NDUFA5: variants seen among roughly 807,000 people sequenced by gnomAD.
NDUFA5 encodes NADH dehydrogenase [ubiquinone] 1 alpha subcomplex subunit 5.
NDUFA5 carries 11 observed loss-of-function variants against 19.8 expected under a neutral mutation model. The observed-to-expected ratio is 0.56, with a 90% CI of 0.35 to 0.92. The LOEUF (loss-of-function observed/expected upper bound fraction) is 0.92. Ranked by LOEUF, NDUFA5 falls within the 40% of genes least tolerant of loss-of-function variation. The probability of loss-of-function intolerance (pLI) is 0.01; values close to 1 mark genes in which losing one functional copy is unlikely to be tolerated. For missense variants in NDUFA5, 109 were observed against 134.2 expected, an observed-to-expected ratio of 0.81 and a Z score of 0.93; for synonymous variants, 47 against 46.8, an observed-to-expected ratio of 1.00 and a Z score of -0.01.
upstream of NDUFA5, among the ~76,000 whole-genome samples, chr7:123,560,417 C>T (rs1359796990): frequency 6.6e-6 from 1 of 152,158 alleles, no homozygotes; most frequent in Non-Finnish European, 1.5e-5. Context: ...GTTGCATAAT[C>T]TTTTATATAG....
At chr7:123,590,841 C>T in the NDUFA5 span, among the ~76,000 whole-genome samples, 2 of 152,130 alleles carry the variant, frequency 1.3e-5, no homozygotes, top group Non-Finnish European at 2.9e-5. Flanking sequence ...TGAACAAAGG[C>T]AGTGGTAGCT....
chr7:123,596,536 T>C, the NDUFA5 span: 1 of 152,046 alleles, frequency 6.6e-6, no homozygotes, highest in African/African-American at 2.4e-5. Context: ...TACTTGAGCC[T>C]GGGAGGCGGA....
chr7:123,563,728 C>T, the NDUFA5 span, among the ~76,000 whole-genome samples: 1 of 152,106 alleles, frequency 6.6e-6, no homozygotes, highest in Admixed American at 6.6e-5. Context: ...TAAAGTGTGC[C>T]TTTTATACAT....
intron 3 of NDUFA5, chr7:123,546,897 T>C (rs1473547452): frequency 1.9e-5 from 8 of 417,170 alleles, no homozygotes; most frequent in Non-Finnish European, 4.7e-6. Context: ...AGACTTCACA[T>C]ATATGATCAA....
chr7:123,554,339 T>C (rs1798459566), intron 2 of NDUFA5, among the ~76,000 whole-genome samples: 1 of 152,202 alleles, frequency 6.6e-6, no homozygotes, highest in Admixed American at 6.5e-5. Flanking sequence ...ATGGCTTACA[T>C]TTAAGGCTCG....
chr7:123,578,164 A>T, the NDUFA5 span, among the ~76,000 whole-genome samples: 31,507 of 149,518 alleles, frequency 0.21, 3,542 homozygotes, highest in East Asian at 0.39. Context: ...ATAAATTTCA[A>T]ATTATAAAAG....
chr7:123,557,850 G>C (rs1798624833), upstream of NDUFA5: 1 of 1,613,196 alleles, frequency 6.2e-7, no homozygotes, highest in South Asian at 1.1e-5. Context: ...TCTCAGACCT[G>C]CTCAATCGAC....
chr7:123,599,466 C>T, the NDUFA5 span, among the ~76,000 whole-genome samples: 1 of 152,124 alleles, frequency 6.6e-6, no homozygotes, highest in African/African-American at 2.4e-5. Context: ...ATAGCAAGAG[C>T]TGTTTTTTAA....
chr7:123,560,646 C>T (rs1224508571), upstream of NDUFA5, among the ~76,000 whole-genome samples: 1 of 152,128 alleles, frequency 6.6e-6, no homozygotes, highest in Non-Finnish European at 1.5e-5. Context: ...TTTCTTTTGG[C>T]TTATACTGGT....
the NDUFA5 span, among the ~76,000 whole-genome samples, chr7:123,569,665 CAAG>C: frequency 6.6e-6 from 1 of 152,064 alleles, no homozygotes; most frequent in East Asian, 1.9e-4. Flanking sequence ...TCCAGCTGAA[CAAG>C]AAGATGAACC....
At chr7:123,575,763 G>C in the NDUFA5 span, among the ~76,000 whole-genome samples, 7 of 144,784 alleles carry the variant, frequency 4.8e-5, no homozygotes, top group Non-Finnish European at 9.1e-5. Flanking sequence ...TTGTTAGATT[G>C]TTTTTCCCTT....
chr7:123,601,490 A>G, the NDUFA5 span, among the ~76,000 whole-genome samples: 7 of 152,204 alleles, frequency 4.6e-5, no homozygotes, highest in Admixed American at 6.5e-5. Flanking sequence ...AAAATATGTC[A>G]AAAGTGGATT....
the NDUFA5 span, among the ~76,000 whole-genome samples, chr7:123,577,776 A>C: frequency 6.6e-6 from 1 of 152,114 alleles, no homozygotes; most frequent in East Asian, 1.9e-4. Flanking sequence ...ATGTTTCTTC[A>C]TCTTATCCCC....
At chr7:123,563,424 G>A in the NDUFA5 span, among the ~76,000 whole-genome samples, 7 of 152,178 alleles carry the variant, frequency 4.6e-5, no homozygotes, top group Non-Finnish European at 1.0e-4. Flanking sequence ...AGTCGGTGGA[G>A]CAACCAGAAC....
chr7:123,549,613 C>T (rs1412871469), intron 3 of NDUFA5, among the ~76,000 whole-genome samples: 1 of 152,022 alleles, frequency 6.6e-6, no homozygotes, highest in Non-Finnish European at 1.5e-5. Flanking sequence ...TCCGCCTCTA[C>T]AAAAAATTTT....
At position 123,545,169 on chromosome 7, in the gene NDUFA5, A is replaced by G. The variant is rs376561640; in HGVS notation, c.249+442T>C. Among the ~76,000 whole-genome samples, 15 of 152,260 alleles carry G rather than the reference A, an allele frequency of 9.9e-5. 1 individual carries two copies. The East Asian group carries it at 2.1e-3, about 22-fold the overall frequency. ...GTAGAATTAAGCTCTCAAATATACT[A>G]TGCAATTGTTTTTTAACTTGCTCAA... On this transcript the variant is annotated intron_variant, in intron 4 of 4. Coordinates refer to ENST00000355749, the MANE Select transcript of NDUFA5 (RefSeq NM_005000.5).
At chr7:123,553,650 A>G (rs886435709) in intron 2 of NDUFA5, among the ~76,000 whole-genome samples, 1 of 152,222 alleles carries the variant, frequency 6.6e-6, no homozygotes, top group Non-Finnish European at 1.5e-5. Context: ...ATACTTAGCA[A>G]CGGTTAAGGG....
chr7:123,581,852 A>G, the NDUFA5 span, among the ~76,000 whole-genome samples: 1 of 151,964 alleles, frequency 6.6e-6, no homozygotes, highest in African/African-American at 2.4e-5. Context: ...AAGACATGAA[A>G]CTTCAAGAGT....
At chr7:123,570,885 A>G in the NDUFA5 span, among the ~76,000 whole-genome samples, 1 of 152,020 alleles carries the variant, frequency 6.6e-6, no homozygotes, top group Non-Finnish European at 1.5e-5. Flanking sequence ...ACTGAAAAGA[A>G]CTCTCAGCAG....
Sources: allele counts gnomAD v4.1 joint callset (sites outside exome capture counted in the v4.1 genomes callset), GRCh38; gene constraint gnomAD v4.1.1; transcripts MANE v1.5; gene names NCBI Gene and HGNC (gene_info 2026-07-23, HGNC 2026-07-21).